CEPT1: variants seen among roughly 807,000 people sequenced by gnomAD.
CEPT1 encodes choline/ethanolaminephosphotransferase 1.
A neutral mutation model predicts 42.6 loss-of-function variants in CEPT1; 7 were observed. The ratio of observed to expected loss-of-function variants is 0.16; its 90% confidence interval spans 0.09 to 0.31. CEPT1 has a LOEUF of 0.31. Among genes scored for constraint, CEPT1 ranks in the 10% least tolerant of loss-of-function variants. The probability of loss-of-function intolerance (pLI) is 1.00; values close to 1 mark genes in which losing one functional copy is unlikely to be tolerated. For missense variants in CEPT1, 306 were observed against 502.1 expected (o/e 0.61, Z 3.73); for synonymous variants, 171 against 171.9 (o/e 0.99, Z 0.04).
At chr1:111,163,746 A>G (rs17026995) in intron 4 of CEPT1, among the ~76,000 whole-genome samples, 3,364 of 152,258 alleles carry the variant, frequency 0.022, 113 homozygotes, top group African/African-American at 0.078. Flanking sequence ...AGATATCCCT[A>G]AAGACTTATT....
chr1:111,159,246 T>G, intron 2 of CEPT1, 134 bp from the exon 3 acceptor site: 1 of 797,290 alleles, frequency 1.3e-6, no homozygotes, highest in Non-Finnish European at 2.0e-6. Context: ...TTCAGTGAGT[T>G]CTTCATTATG....
rs771600732 is a variant in CEPT1, at chr1:111,182,784, C to G, written c.847-15C>G. ...AGTACTGAATACTATTAACTCTTCT[C>G]TTCACTCTGTACAGGGAACAAGTGT... On this transcript the variant is annotated splice_polypyrimidine_tract_variant and intron_variant, in intron 6 of 8. Coordinates refer to ENST00000357172, the MANE Select transcript of CEPT1 (RefSeq NM_006090.5). 6.2e-7 allele frequency: 1 copy of G among 1,604,100 alleles called. No individual in the cohort carries two copies. The highest frequency in any genetic ancestry group is 8.5e-7 in the Non-Finnish European group (1 of 1,173,842).
At position 111,165,120 on chromosome 1, in the gene CEPT1, A is replaced by G. The variant is rs1432990596; in HGVS notation, c.629+3824A>G. Among the ~76,000 whole-genome samples, 106 of 123,302 alleles carry G rather than the reference A, an allele frequency of 8.6e-4. 1 individual carries two copies. Among genetic ancestry groups the G allele is most frequent in the Non-Finnish European group, 1.3e-3 (82 of 62,648 alleles). The allele number at this position is 123,302 out of a possible 152,430, so 80.9% of individuals were successfully genotyped here. A position where few individuals can be genotyped will look rare whatever the true frequency, so the allele number is the denominator to read the frequency against. ...GCTAGAGTGCAGTGGTGCGATCTCG[A>G]CTCACTGCAACCTCCGCCTCCTGGG... On this transcript the variant is annotated intron_variant, in intron 4 of 8. Coordinates refer to ENST00000357172, the MANE Select transcript of CEPT1 (RefSeq NM_006090.5).
chr1:111,159,574 C>T, intron 3 of CEPT1, 47 bp downstream of exon 3: 1 of 1,486,246 alleles, frequency 6.7e-7, no homozygotes, highest in Non-Finnish European at 9.2e-7. Flanking sequence ...AATGGTTAAA[C>T]CAGTGTGCTA....
intron 1 of CEPT1, among the ~76,000 whole-genome samples, chr1:111,142,974 A>G (rs551216720): frequency 1.3e-5 from 2 of 152,346 alleles, no homozygotes; most frequent in East Asian, 3.9e-4. Flanking sequence ...AACTGACAGC[A>G]TTACAGCTGA....
chr1:111,147,598 CCAA>C (rs945776512), intron 1 of CEPT1, 41 bp from the exon 2 acceptor site: 10 of 668,310 alleles, frequency 1.5e-5, no homozygotes, highest in Middle Eastern at 4.1e-4. Context: ...TAAATAGTGG[CCAA>C]CAAGTGTATT....
At chr1:111,165,545 C>CT (rs1169722078) in intron 4 of CEPT1, among the ~76,000 whole-genome samples, 2 of 152,118 alleles carry the variant, frequency 1.3e-5, no homozygotes, top group Non-Finnish European at 2.9e-5. Flanking sequence ...AGGCTCGTAA[C>CT]TTTCATGGGC....
intron 4 of CEPT1, among the ~76,000 whole-genome samples, chr1:111,168,705 G>T (rs1022669952): frequency 2.0e-5 from 3 of 152,096 alleles, no homozygotes; most frequent in African/African-American, 7.2e-5. Context: ...AGCCAGGATG[G>T]TCTCGATCTC....
chr1:111,154,194 A>ATTTTT (rs1362506949), intron 2 of CEPT1, among the ~76,000 whole-genome samples: 1 of 25,486 alleles, frequency 3.9e-5, no homozygotes, highest in Non-Finnish European at 7.5e-5. Flanking sequence ...CAAGTATTTT[A>ATTTTT]TTTTATTTTA....
In CEPT1 at chr1:111,184,981, T is replaced by C. The variant is rs1657194283; in HGVS notation, c.*671T>C. 6.6e-6 allele frequency: 1 copy of C among 152,260 alleles called. No homozygotes were observed. Among genetic ancestry groups the C allele is most frequent in the South Asian group, 2.1e-4 (1 of 4,814 alleles). The allele number at this position is 152,260 out of a possible 1,614,324, so 9.4% of individuals were successfully genotyped here. A position where few individuals can be genotyped will look rare whatever the true frequency, so the allele number is the denominator to read the frequency against. On this transcript the variant is annotated 3_prime_UTR_variant, in exon 9 of 9. Coordinates refer to ENST00000357172, the MANE Select transcript of CEPT1 (RefSeq NM_006090.5). The stretch of plus-strand genomic sequence containing the variant: ...TATTTTTTTAAATAAATATATGATC[T>C]AAAAGCCAACTTTTTCTCAGTTTTA...
chr1:111,155,524 A>C (rs1338117151), intron 2 of CEPT1, among the ~76,000 whole-genome samples: 1 of 151,396 alleles, frequency 6.6e-6, no homozygotes, highest in Non-Finnish European at 1.5e-5. Flanking sequence ...CATATATATG[A>C]TATATATATT....
chr1:111,165,443 C>T (rs1272582160), intron 4 of CEPT1, among the ~76,000 whole-genome samples: 2 of 151,412 alleles, frequency 1.3e-5, no homozygotes, highest in Non-Finnish European at 2.9e-5. Flanking sequence ...TTATTTTTTC[C>T]AAGACAAAAA....
intron 2 of CEPT1, among the ~76,000 whole-genome samples, chr1:111,158,108 G>A (rs944995662): frequency 7.9e-5 from 12 of 152,168 alleles, no homozygotes; most frequent in South Asian, 2.1e-4. Context: ...TTGGGAGGCC[G>A]AGGTGGGCGG....
At chr1:111,151,247 T>C (rs1655259748) in intron 2 of CEPT1, among the ~76,000 whole-genome samples, 1 of 151,428 alleles carries the variant, frequency 6.6e-6, no homozygotes, top group Non-Finnish European at 1.5e-5. Context: ...TGCCTCAGCC[T>C]CCCGAATACA....
At chr1:111,140,366 A>G (rs1654372785) in intron 1 of CEPT1, 59 bp downstream of exon 1, 1 of 153,250 alleles carries the variant, frequency 6.5e-6, no homozygotes, top group Middle Eastern at 3.1e-3. Context: ...TGTAGGGGCC[A>G]GTGGAGAGAG....
rs1655203650 is a variant in CEPT1, at chr1:111,150,404, G to A, written c.339+2351G>A. Among the ~76,000 whole-genome samples the A allele has an allele frequency of 2.0e-5, 3 of 152,044 alleles. 1 individual carries two copies. The highest frequency in any genetic ancestry group is 2.1e-4 in the South Asian group (1 of 4,832). On this transcript the variant is annotated intron_variant, in intron 2 of 8. Transcript: ENST00000357172. Reference sequence around the variant, plus strand: ...TTCTTCCACAGCCCCCTTCCCATTCGTGATTTCCTCTAATGATACATAATA... The same window carrying A: ...TTCTTCCACAGCCCCCTTCCCATTCATGATTTCCTCTAATGATACATAATA...
chr1:111,176,293 G>A (rs1656673336), intron 5 of CEPT1, among the ~76,000 whole-genome samples: 3 of 152,110 alleles, frequency 2.0e-5, no homozygotes, highest in Admixed American at 6.5e-5. Context: ...CTCTTCAGTA[G>A]ACTAGTTCTT....
At chr1:111,167,275 A>T in intron 4 of CEPT1, 1 of 984,764 alleles carries the variant, frequency 1.0e-6, no homozygotes, top group Non-Finnish European at 1.2e-6. Context: ...CAGAATAATT[A>T]AAACATGAAA....
chr1:111,161,783 T>G (rs1332520385), intron 4 of CEPT1, among the ~76,000 whole-genome samples: 1 of 152,236 alleles, frequency 6.6e-6, no homozygotes, highest in East Asian at 1.9e-4. Flanking sequence ...ACAGTTCACT[T>G]TCAATACCTA....
Sources: allele counts gnomAD v4.1 joint callset (sites outside exome capture counted in the v4.1 genomes callset), GRCh38; gene constraint gnomAD v4.1.1; transcripts MANE v1.5; gene names NCBI Gene and HGNC (gene_info 2026-07-23, HGNC 2026-07-21).